Variants in CCR7 observed in about 807,000 individuals in gnomAD.
CCR7 encodes the protein C-C motif chemokine receptor 7.
Under a neutral mutation model 26.0 loss-of-function variants are expected in CCR7, and 11 were observed. The ratio of observed to expected loss-of-function variants is 0.42; its 90% confidence interval spans 0.27 to 0.70. The LOEUF (loss-of-function observed/expected upper bound fraction) is 0.70, where lower values mean the gene tolerates loss of function less well. Among genes scored for constraint, CCR7 ranks in the 30% least tolerant of loss-of-function variants. CCR7 has a pLI of 0.23. For synonymous variants in CCR7, 189 were observed against 202.1 expected (o/e 0.94, Z 0.55); for missense variants, 360 against 504.0 (o/e 0.71, Z 2.74).
intron 2 of CCR7, among the ~76,000 whole-genome samples, chr17:40,557,580 C>T (rs2036604924): frequency 6.6e-6 from 1 of 152,200 alleles, no homozygotes; most frequent in Non-Finnish European, 1.5e-5. Flanking sequence ...AGCCTGGGAG[C>T]CCTGAAGGAG....
At chr17:40,556,691 ATG>A (rs769926834) in intron 2 of CCR7, among the ~76,000 whole-genome samples, 1 of 152,280 alleles carries the variant, frequency 6.6e-6, no homozygotes, top group Non-Finnish European at 1.5e-5. Context: ...GAGAGGGAAC[ATG>A]TGTCTTTCTT....
At chr17:40,556,573 G>C (rs1297796265) in intron 2 of CCR7, among the ~76,000 whole-genome samples, 1 of 152,144 alleles carries the variant, frequency 6.6e-6, no homozygotes, top group Non-Finnish European at 1.5e-5. Flanking sequence ...CTGTGAAATG[G>C]AGATGAATCC....
Position 40,555,011 on chromosome 17 carries a change from T to C in CCR7, c.868A>G (p.Asn290Asp). The C allele has an allele frequency of 6.2e-7, 1 of 1,614,228 alleles. No individual in the cohort carries two copies. The highest frequency in any genetic ancestry group is 1.6e-4 in the Middle Eastern group (1 of 6,062). Residue 290 changes from asparagine to aspartate, a missense_variant, in exon 3 of 3, where the codon AAC (asparagine) becomes GAC (aspartate). By Grantham distance (23) the Asn-to-Asp change is conservative. Transcript: ENST00000246657. The surrounding 1 kb of genome is among the most constrained non-coding windows in gnomAD (Gnocchi z 5.6). ...NGVVLAQTVA[N>D]FNITSSTCEL... ...CAGGTGCTACTGGTGATGTTGAAGT[T>C]GGCCACCGTCTGGGCCAGGACCACC... is the stretch of plus-strand genomic sequence containing the variant.
At chr17:40,558,758 T>C (rs1256048144) in intron 2 of CCR7, 135 bp downstream of exon 2, 4 of 746,430 alleles carry the variant, frequency 5.4e-6, no homozygotes, top group African/African-American at 1.7e-5. Flanking sequence ...GGGCAGCCAT[T>C]AGCTTAATGA....
At chr17:40,558,256 TTCTG>T (rs1331267567) in intron 2 of CCR7, among the ~76,000 whole-genome samples, 2 of 152,290 alleles carry the variant, frequency 1.3e-5, no homozygotes, top group African/African-American at 4.8e-5. Context: ...GAGGCACACT[TTCTG>T]TCTGTTTCTG....
rs369614105 is a variant in CCR7, at chr17:40,565,382, A to G, written c.10+18T>C. On this transcript the variant is annotated intron_variant, in intron 1 of 2. Coordinates refer to ENST00000246657, the MANE Select transcript of CCR7 (RefSeq NM_001838.4). ...AGACCCTGGTACTGTTCCTTCTCAC[A>G]TGAAGAGGCTCACTCACCCAGGTCC... The G allele has an allele frequency of 6.6e-4, 1,062 of 1,609,846 alleles. 14 individuals carry two copies. The South Asian group carries it at 8.1e-3, about 12-fold the overall frequency.
Position 40,555,577 on chromosome 17 carries a change from G to A in CCR7, c.302C>T (p.Ala101Val). Reference sequence around the variant, plus strand: ...CAGGAGGAAGAGGATGTCTGCCACCGCCAGGTTGAGCAGGTAGGTATCGGT... The same window carrying A: ...CAGGAGGAAGAGGATGTCTGCCACCACCAGGTTGAGCAGGTAGGTATCGGT... ...TMTDTYLLNL[A>V]VADILFLLTL... The change falls in exon 3 of 3, where the codon GCG becomes GTG. Residue 101 changes from alanine to valine, a missense_variant. Coordinates refer to ENST00000246657, the MANE Select transcript of CCR7 (RefSeq NM_001838.4). This position sits in a 1 kb window ranked among gnomAD's most constrained non-coding sequence, Gnocchi z 5.6. The A allele has an allele frequency of 1.2e-6, 2 of 1,614,068 alleles. No homozygotes were observed. Among genetic ancestry groups the A allele is most frequent in the Non-Finnish European group, 1.7e-6 (2 of 1,180,008 alleles).
In CCR7 at chr17:40,554,758, G is replaced by A. The variant is rs2036559456; in HGVS notation, c.1121C>T (p.Thr374Ile). Residue 374 changes from threonine (T) to isoleucine (I), a missense_variant, in exon 3 of 3, where the codon ACC (threonine) becomes ATC (isoleucine). Coordinates refer to ENST00000246657, the MANE Select transcript of CCR7 (RefSeq NM_001838.4). ...SSMSVEAETTTTFSP is the reference protein window; with the variant it reads ...SSMSVEAETTITFSP ...AAGAGTCGCCTATGGGGAGAAGGTG[G>A]TGGTGGTCTCGGCCTCCACACTCAT... The A allele has an allele frequency of 3.1e-6, 5 of 1,609,710 alleles. No individual in the cohort carries two copies. In the African/African-American group the frequency reaches 4.0e-5, roughly 13 times the overall value.
chr17:40,556,077 T>C (rs919378972), intron 2 of CCR7, among the ~76,000 whole-genome samples: 3 of 152,020 alleles, frequency 2.0e-5, no homozygotes, highest in Non-Finnish European at 2.9e-5. Context: ...CAGCGAATTT[T>C]TGTATTTTTA....
chr17:40,563,567 C>T lies in CCR7; in HGVS notation c.10+1833G>A, dbSNP rs1337141384. ...CTCCTCACCCACCTCTTGCTCCTTG[C>T]TGGGCAGATGAAGAGCAGAACAACA... On this transcript the variant is annotated intron_variant, in intron 1 of 2. Transcript: ENST00000246657. 2.6e-5 allele frequency among the ~76,000 whole-genome samples: 4 copies of T among 152,218 alleles called. No homozygotes were observed. In the South Asian group the frequency reaches 8.3e-4, roughly 32 times the overall value.
intron 1 of CCR7, 31 bp from the exon 2 acceptor site, chr17:40,558,973 T>A: frequency 6.3e-7 from 1 of 1,586,136 alleles, no homozygotes; most frequent in Non-Finnish European, 8.6e-7. Flanking sequence ...AAGTTATTGC[T>A]TGGCAGGGAC....
intron 1 of CCR7, 75 bp from the exon 2 acceptor site, chr17:40,559,017 G>A (rs2036624825): frequency 3.9e-6 from 5 of 1,267,480 alleles, no homozygotes; most frequent in Non-Finnish European, 5.6e-6. Context: ...AGTGGAGGGG[G>A]AGACGCTGTT....
At position 40,555,260 on chromosome 17, in the gene CCR7, C is replaced by T; in HGVS notation, c.619G>A (p.Ala207Thr). 1 of 1,614,190 alleles carries T rather than the reference C, an allele frequency of 6.2e-7. No homozygotes were observed. Among genetic ancestry groups the T allele is most frequent in the South Asian group, 1.1e-5 (1 of 91,084 alleles). The change falls in exon 3 of 3, where the codon GCG becomes ACG. Residue 207 changes from alanine to threonine, a missense_variant. Physicochemically the swap from Ala to Thr is moderately conservative, Grantham distance 58. Transcript: ENST00000246657. The surrounding 1 kb of genome is among the most constrained non-coding windows in gnomAD (Gnocchi z 5.6). ...SDLQRSSSEQ[A>T]MRCSLITEHV... is the part of the protein sequence containing the mutation. The stretch of plus-strand genomic sequence containing the variant: ...TCTGTGATGAGAGAGCATCGCATCG[C>T]TTGCTCACTGCTGCTCCTCTGGAGG...
chr17:40,554,693 A>C lies in CCR7; in HGVS notation c.*49T>G. The C allele has an allele frequency of 7.0e-7, 1 of 1,436,004 alleles. No individual in the cohort carries two copies. Among genetic ancestry groups the C allele is most frequent in the Non-Finnish European group, 9.5e-7 (1 of 1,054,222 alleles). 89.0% of individuals were successfully genotyped at this position (1,436,004 alleles called of 1,614,324 possible). ...GTCATTGCATCTGCTCCCTATCCCC[A>C]CCCCAGGGACCCTGGGAGAGGTCCC... On this transcript the variant is annotated 3_prime_UTR_variant, in exon 3 of 3. Coordinates refer to ENST00000246657, the MANE Select transcript of CCR7 (RefSeq NM_001838.4).
At position 40,555,418 on chromosome 17, in the gene CCR7, C is replaced by A. The variant is rs1334562059; in HGVS notation, c.461G>T (p.Arg154Leu). The A allele has an allele frequency of 6.2e-7, 1 of 1,613,896 alleles. No homozygotes were observed. The highest frequency in any genetic ancestry group is 8.5e-7 in the Non-Finnish European group (1 of 1,180,024). ...MLLLLCISIDRYVAIVQAVSA... is the reference protein window; with the variant it reads ...MLLLLCISIDLYVAIVQAVSA... ...GACAGCCTGGACGATGGCCACGTAG[C>A]GGTCAATGCTGATGCAAAGAAGTAG... Residue 154 changes from arginine (R) to leucine (L), a missense_variant, in exon 3 of 3, where the codon CGC becomes CTC. By Grantham distance (102) the Arg-to-Leu change is moderately radical. Coordinates refer to ENST00000246657, the MANE Select transcript of CCR7 (RefSeq NM_001838.4). This position sits in a 1 kb window ranked among gnomAD's most constrained non-coding sequence, Gnocchi z 5.6.
In CCR7 at chr17:40,565,466, CCT is replaced by C; in HGVS notation, c.-59_-58del. Reference sequence around the variant, plus strand: ...AGGCTGTGCCCGGCCTCGCACTACCCCTGTCTGGGGAGGAAGTGGTTCAAGCC... The same window carrying C: ...AGGCTGTGCCCGGCCTCGCACTACCCGTCTGGGGAGGAAGTGGTTCAAGCC... On this transcript the variant is annotated 5_prime_UTR_variant, in exon 1 of 3. Transcript: ENST00000246657. 3.1e-6 allele frequency: 5 copies of C among 1,587,928 alleles called. No individual in the cohort carries two copies. The highest frequency in any genetic ancestry group is 2.2e-5 in the East Asian group (1 of 44,748).
In CCR7 at chr17:40,554,553, TGGCA is replaced by T; in HGVS notation, c.*185_*188del. 3 of 631,322 alleles carry T rather than the reference TGGCA, an allele frequency of 4.8e-6. No homozygotes were observed. Among genetic ancestry groups the T allele is most frequent in the East Asian group, 2.6e-5 (1 of 38,762 alleles). The allele number at this position is 631,322 out of a possible 1,614,324, so 39.1% of individuals were successfully genotyped here. ...TTAGCTTATCAGCCCTGTCTTTTTT[TGGCA>T]TTGGTTGAGGTAGCTGGGATTGGGG... On this transcript the variant is annotated 3_prime_UTR_variant, in exon 3 of 3. Coordinates refer to ENST00000246657, the MANE Select transcript of CCR7 (RefSeq NM_001838.4).
At chr17:40,563,221 C>G (rs1053436569) in intron 1 of CCR7, among the ~76,000 whole-genome samples, 1 of 152,060 alleles carries the variant, frequency 6.6e-6, no homozygotes, top group African/African-American at 2.4e-5. Context: ...CCTGAATGTC[C>G]GAAGCAAAGA....
Position 40,565,399 on chromosome 17 carries a change from C to A in CCR7, c.10+1G>T. On this transcript the variant is annotated splice_donor_variant, in intron 1 of 2. Transcript: ENST00000246657. LOFTEE classifies it high-confidence loss of function. ...CTTCTCACATGAAGAGGCTCACTCA[C>A]CCAGGTCCATGACGCTCTCTGGGCG... 6.2e-7 allele frequency: 1 copy of A among 1,613,362 alleles called. No homozygotes were observed. The highest frequency in any genetic ancestry group is 8.5e-7 in the Non-Finnish European group (1 of 1,179,268).
Sources: allele counts gnomAD v4.1 joint callset (sites outside exome capture counted in the v4.1 genomes callset), GRCh38; gene constraint gnomAD v4.1.1; non-coding constraint Gnocchi (gnomAD v3.1); transcripts MANE v1.5; gene names NCBI Gene and HGNC (gene_info 2026-07-23, HGNC 2026-07-21).